Variants in CYRIA observed in about 807,000 individuals in gnomAD.
The protein encoded by CYRIA is CYFIP related Rac1 interactor A, also known as CYFIP-related Rac1 interactor A.
Under a neutral mutation model 43.9 loss-of-function variants are expected in CYRIA, and 15 were observed. The observed-to-expected ratio is 0.34, with a 90% CI of 0.23 to 0.53. The LOEUF (loss-of-function observed/expected upper bound fraction) is 0.53, where lower values mean the gene tolerates loss of function less well. Ranked by LOEUF, CYRIA falls within the 20% of genes least tolerant of loss-of-function variation. The pLI, the probability that CYRIA is intolerant of heterozygous loss-of-function variation, is 0.94. For synonymous variants in CYRIA, 117 were observed against 136.0 expected (o/e 0.86, Z 0.97); for missense variants, 236 against 394.2 (o/e 0.60, Z 3.40).
At chr2:16,576,542 C>T (rs1472778146) in intron 3 of CYRIA, among the ~76,000 whole-genome samples, 2 of 152,180 alleles carry the variant, frequency 1.3e-5, no homozygotes, top group East Asian at 3.9e-4. Context: ...TCTCTTCTAT[C>T]TTTTCTCAGA....
intron 1 of CYRIA, among the ~76,000 whole-genome samples, chr2:16,649,795 C>T (rs1049601773): frequency 6.6e-5 from 10 of 152,158 alleles, no homozygotes; most frequent in Admixed American, 6.5e-5. Context: ...GACAGTTATA[C>T]AGTACAGAGC....
chr2:16,626,004 A>T (rs1469539091), intron 1 of CYRIA, among the ~76,000 whole-genome samples: 1 of 151,788 alleles, frequency 6.6e-6, no homozygotes, highest in African/African-American at 2.4e-5. Context: ...ATTCTAAGAC[A>T]CCTCCTGCTT....
At chr2:16,634,074 G>A (rs939293902) in intron 1 of CYRIA, among the ~76,000 whole-genome samples, 13 of 152,140 alleles carry the variant, frequency 8.5e-5, no homozygotes, top group African/African-American at 2.9e-4. Flanking sequence ...AGTCATGGTC[G>A]AGGTGAAAAA....
chr2:16,577,345 C>CA (rs1572473602), intron 3 of CYRIA, among the ~76,000 whole-genome samples: 2 of 151,998 alleles, frequency 1.3e-5, no homozygotes, highest in East Asian at 3.9e-4. Flanking sequence ...ATATCTGTAA[C>CA]ACATTTAGAT....
chr2:16,590,703 A>G (rs535764799), intron 2 of CYRIA, among the ~76,000 whole-genome samples: 1 of 152,284 alleles, frequency 6.6e-6, no homozygotes, highest in East Asian at 1.9e-4. Flanking sequence ...ACATCATTCT[A>G]ACATCAACCA....
In CYRIA at chr2:16,616,598, C is replaced by T. The variant is rs535399988; in HGVS notation, c.-11+7266G>A. Reference sequence around the variant, plus strand: ...TCTGCCGGGTGTTCATCCTGATATCCGTCAGGATGCTGGCCTCGGCTTTGC... The same window carrying T: ...TCTGCCGGGTGTTCATCCTGATATCTGTCAGGATGCTGGCCTCGGCTTTGC... On this transcript the variant is annotated intron_variant, in intron 2 of 11. Coordinates refer to ENST00000381323, the MANE Select transcript of CYRIA (RefSeq NM_030797.4). 3.3e-5 allele frequency among the ~76,000 whole-genome samples: 5 copies of T among 152,322 alleles called. No individual in the cohort carries two copies. In the East Asian group the frequency reaches 5.8e-4, roughly 18 times the overall value.
intron 2 of CYRIA, among the ~76,000 whole-genome samples, chr2:16,599,913 C>T (rs1205985698): frequency 6.6e-6 from 1 of 152,194 alleles, no homozygotes; most frequent in Non-Finnish European, 1.5e-5. Context: ...CCCGCCACCA[C>T]ACCCAGCTAA....
intron 3 of CYRIA, among the ~76,000 whole-genome samples, chr2:16,580,254 A>G (rs1255767047): frequency 6.6e-6 from 1 of 152,110 alleles, no homozygotes; most frequent in African/African-American, 2.4e-5. Context: ...AAAGGCAGAT[A>G]TTATCAGCCT....
intron 1 of CYRIA, among the ~76,000 whole-genome samples, chr2:16,646,192 T>C (rs1363321684): frequency 6.6e-6 from 1 of 152,206 alleles, no homozygotes; most frequent in Non-Finnish European, 1.5e-5. Context: ...AAAGGTACAC[T>C]TGTGGTCTAA....
chr2:16,641,366 C>T (rs1669671625), intron 1 of CYRIA, among the ~76,000 whole-genome samples: 2 of 152,180 alleles, frequency 1.3e-5, no homozygotes, highest in African/African-American at 4.8e-5. Flanking sequence ...TTCCCACCTG[C>T]ATGCCCTTAC....
At chr2:16,653,353 A>G (rs1048382225) in intron 1 of CYRIA, among the ~76,000 whole-genome samples, 1 of 152,202 alleles carries the variant, frequency 6.6e-6, no homozygotes, top group Non-Finnish European at 1.5e-5. Context: ...AGACTGGAAC[A>G]GTTTCCCCCA....
intron 10 of CYRIA, among the ~76,000 whole-genome samples, chr2:16,556,518 C>T (rs769376049): frequency 5.9e-5 from 9 of 152,044 alleles, no homozygotes; most frequent in Non-Finnish European, 1.0e-4. Context: ...TTTGGGAATC[C>T]GGAGTTCCAC....
rs188804891 is a variant in CYRIA at position 16,609,944 on chromosome 2, G to A, written c.-11+13920C>T. ...GGTCTGCCCAGAAGGACTGCATCTC[G>A]CTTCCATCTGGACACTAAACCTCTA... On this transcript the variant is annotated intron_variant, in intron 2 of 11. Coordinates refer to ENST00000381323, the MANE Select transcript of CYRIA (RefSeq NM_030797.4). Among the ~76,000 whole-genome samples the A allele has an allele frequency of 3.5e-3, 536 of 152,228 alleles. 3 individuals are homozygous for A. The highest frequency in any genetic ancestry group is 4.1e-3 in the Non-Finnish European group (277 of 68,022).
intron 3 of CYRIA, among the ~76,000 whole-genome samples, chr2:16,586,212 A>G (rs1356372639): frequency 6.6e-6 from 1 of 152,120 alleles, no homozygotes; most frequent in African/African-American, 2.4e-5. Context: ...GGGACACGTT[A>G]CCACTATTTT....
At chr2:16,590,711 C>T (rs1185877765) in intron 2 of CYRIA, among the ~76,000 whole-genome samples, 2 of 152,106 alleles carry the variant, frequency 1.3e-5, no homozygotes, top group Non-Finnish European at 2.9e-5. Context: ...CTAACATCAA[C>T]CAAGGTTAAT....
At chr2:16,559,712 C>G (rs907782196) in intron 9 of CYRIA, 126 bp from the exon 10 acceptor site, 2 of 987,798 alleles carry the variant, frequency 2.0e-6, no homozygotes, top group Non-Finnish European at 2.9e-6. Context: ...CTGCAACAAC[C>G]AGTTAATATG....
intron 1 of CYRIA, among the ~76,000 whole-genome samples, chr2:16,628,713 T>A (rs1255907866): frequency 6.6e-6 from 1 of 152,126 alleles, no homozygotes; most frequent in Admixed American, 6.6e-5. Flanking sequence ...CCGAATACAA[T>A]CCACACTCCC....
At chr2:16,569,592 C>T (rs1174962277) in intron 3 of CYRIA, among the ~76,000 whole-genome samples, 1 of 152,138 alleles carries the variant, frequency 6.6e-6, no homozygotes, top group Non-Finnish European at 1.5e-5. Flanking sequence ...TCTCAGGGGA[C>T]TCAAATCACA....
chr2:16,586,745 G>T (rs764967741), intron 3 of CYRIA, among the ~76,000 whole-genome samples: 8 of 151,768 alleles, frequency 5.3e-5, no homozygotes, highest in African/African-American at 1.2e-4. Context: ...CTTTTAGAAG[G>T]TTTAATCTAT....
Sources: allele counts gnomAD v4.1 joint callset (sites outside exome capture counted in the v4.1 genomes callset), GRCh38; gene constraint gnomAD v4.1.1; transcripts MANE v1.5; gene names NCBI Gene and HGNC (gene_info 2026-07-23, HGNC 2026-07-21).